NAA16: variants seen among roughly 807,000 people sequenced by gnomAD.
The protein encoded by NAA16 is NARG1-like protein.
NAA16 carries 97 observed loss-of-function variants against 110.3 expected under a neutral mutation model. The ratio of observed to expected loss-of-function variants is 0.88; its 90% confidence interval spans 0.75 to 1.04. The LOEUF (loss-of-function observed/expected upper bound fraction) is 1.04. Ranked by LOEUF, NAA16 falls within the 50% of genes least tolerant of loss-of-function variation. NAA16 has a pLI of 0.00. For missense variants in NAA16, 1,017 were observed against 1,005.1 expected, an observed-to-expected ratio of 1.01 and a Z score of -0.16; for synonymous variants, 372 against 330.6, an observed-to-expected ratio of 1.13 and a Z score of -1.36.
intron 14 of NAA16, 105 bp downstream of exon 14, chr13:41,367,757 T>G: frequency 1.3e-6 from 1 of 746,438 alleles, no homozygotes; most frequent in Non-Finnish European, 2.0e-6. Context: ...CTGTTGGAGT[T>G]GAAGACAAAC....
chr13:41,324,020 A>G (rs1566247951), intron 5 of NAA16, among the ~76,000 whole-genome samples: 2 of 152,022 alleles, frequency 1.3e-5, no homozygotes, highest in Non-Finnish European at 2.9e-5. Flanking sequence ...CTTCCATCCT[A>G]TTTCACTTAC....
At chr13:41,350,632 T>G (rs1436655166) in intron 9 of NAA16, among the ~76,000 whole-genome samples, 13 of 148,348 alleles carry the variant, frequency 8.8e-5, no homozygotes, top group South Asian at 2.1e-4. Flanking sequence ...TTGTTTGTTT[T>G]TTTTAAGATA....
chr13:41,320,620 A>C, intron 3 of NAA16, 47 bp from the exon 4 acceptor site: 2 of 1,471,450 alleles, frequency 1.4e-6, no homozygotes, highest in Non-Finnish European at 1.8e-6. Flanking sequence ...TATGTATCAT[A>C]GAATATTCTA....
Position 41,362,094 on chromosome 13 carries a change from A to G in NAA16, c.1474A>G (p.Ile492Val). Reference protein sequence around the residue: ...MQCMWFQTECISAYQRLGRYG... With the variant: ...MQCMWFQTECVSAYQRLGRYG... ...GTGTATGTGGTTTCAGACAGAATGC[A>G]TTTCAGCTTATCAGCGTCTGGGGAG... Residue 492 changes from isoleucine to valine, a missense_variant, in exon 13 of 20, where the codon ATT becomes GTT. Ile to Val is a conservative substitution (Grantham distance 29). Coordinates refer to ENST00000379406, the MANE Select transcript of NAA16 (RefSeq NM_024561.5). 1 of 1,610,528 alleles carries G rather than the reference A, an allele frequency of 6.2e-7. No homozygotes were observed. Among genetic ancestry groups the G allele is most frequent in the Non-Finnish European group, 8.5e-7 (1 of 1,178,754 alleles).
At chr13:41,362,762 A>G in intron 13 of NAA16, 1 of 1,289,806 alleles carries the variant, frequency 7.8e-7, no homozygotes, top group Non-Finnish European at 1.0e-6. Flanking sequence ...ACAGGAGGAA[A>G]AGAGCCGCAA....
At chr13:41,366,837 T>TA (rs2043216898) in intron 13 of NAA16, among the ~76,000 whole-genome samples, 1 of 152,206 alleles carries the variant, frequency 6.6e-6, no homozygotes, top group Non-Finnish European at 1.5e-5. Context: ...TCTTTATTCT[T>TA]AACTTAGATT....
chr13:41,318,202 G>C (rs1271516725), intron 2 of NAA16, among the ~76,000 whole-genome samples: 2 of 148,202 alleles, frequency 1.3e-5, no homozygotes, highest in Admixed American at 6.6e-5. Context: ...TGTCTGCTTT[G>C]TAATTTTTTT....
intron 1 of NAA16, among the ~76,000 whole-genome samples, chr13:41,314,809 G>T (rs958042644): frequency 6.1e-5 from 9 of 147,612 alleles, no homozygotes; most frequent in African/African-American, 2.2e-4. Context: ...AACATAGTGA[G>T]ACTTCATCTC....
At chr13:41,357,628 A>G (rs549702459) in intron 10 of NAA16, among the ~76,000 whole-genome samples, 63 of 152,298 alleles carry the variant, frequency 4.1e-4, no homozygotes, top group African/African-American at 1.5e-3. Flanking sequence ...TTACACAAGT[A>G]TGTCTTCCCT....
rs1363692048 is a variant in NAA16, at chr13:41,329,284, A to C, written c.811+441A>C. ...TGTTGAGGATATTTGCTTTGATTTC[A>C]AACTAGGCTAATTTGTGTAGAGCAA... On this transcript the variant is annotated intron_variant, in intron 7 of 19. Coordinates refer to ENST00000379406, the MANE Select transcript of NAA16 (RefSeq NM_024561.5). Among the ~76,000 whole-genome samples, 5 of 152,032 alleles carry C rather than the reference A, an allele frequency of 3.3e-5. No individual in the cohort carries two copies. The East Asian group carries it at 9.6e-4, about 29-fold the overall frequency.
At chr13:41,329,831 C>G (rs922222000) in intron 7 of NAA16, among the ~76,000 whole-genome samples, 1 of 151,846 alleles carries the variant, frequency 6.6e-6, no homozygotes, top group Non-Finnish European at 1.5e-5. Context: ...AAAATATTTT[C>G]ATGTTTTACT....
Position 41,372,816 on chromosome 13 carries a change from G to T in NAA16, c.2141G>T (p.Arg714Ile). The change falls in exon 17 of 20, where the codon AGA becomes ATA. Residue 714 changes from arginine to isoleucine, a missense_variant. Transcript: ENST00000379406. Reference sequence around the variant, plus strand: ...CCATGGTTACATGAATGTTTAATTAGATTTTCTAAATCTGGTAAGTATAAA... The same window carrying T: ...CCATGGTTACATGAATGTTTAATTATATTTTCTAAATCTGGTAAGTATAAA... ...NNPWLHECLI[R>I]FSKSVSNHSN... 6.3e-7 allele frequency: 1 copy of T among 1,579,600 alleles called. No individual in the cohort carries two copies. Among genetic ancestry groups the T allele is most frequent in the Non-Finnish European group, 8.6e-7 (1 of 1,158,916 alleles).
chr13:41,319,443 A>G (rs539736806), intron 3 of NAA16, among the ~76,000 whole-genome samples: 33 of 152,320 alleles, frequency 2.2e-4, no homozygotes, highest in African/African-American at 7.9e-4. Context: ...TAACACAGAG[A>G]CATAGCTGTT....
chr13:41,315,617 ATTT>A (rs1370781958), intron 1 of NAA16, among the ~76,000 whole-genome samples: 1 of 152,148 alleles, frequency 6.6e-6, no homozygotes, highest in Non-Finnish European at 1.5e-5. Context: ...GAGATTACAA[ATTT>A]TTTACAGACA....
At position 41,340,855 on chromosome 13, in the gene NAA16, T is replaced by G. The variant is rs1295063992; in HGVS notation, c.1014+4099T>G. 4.0e-5 allele frequency among the ~76,000 whole-genome samples: 6 copies of G among 151,750 alleles called. No homozygotes were observed. In the East Asian group the frequency reaches 9.6e-4, roughly 24 times the overall value. ...CCGTGCCCGGCTAATTTTTTTTGTA[T>G]TTTTTAGTAGAGATGGGGTTTCACC... On this transcript the variant is annotated intron_variant, in intron 9 of 19. Transcript: ENST00000379406.
At chr13:41,350,317 G>A (rs1192841192) in intron 9 of NAA16, among the ~76,000 whole-genome samples, 4 of 150,178 alleles carry the variant, frequency 2.7e-5, no homozygotes, top group Non-Finnish European at 5.9e-5. Flanking sequence ...TTTTTGAGAC[G>A]GAGTCTCGCT....
chr13:41,356,858 G>A (rs911103322), intron 10 of NAA16, among the ~76,000 whole-genome samples: 1 of 152,140 alleles, frequency 6.6e-6, no homozygotes, highest in Non-Finnish European at 1.5e-5. Context: ...GTTATAGTTA[G>A]GTTTACTTGC....
At position 41,368,788 on chromosome 13, in the gene NAA16, A is replaced by G. The variant is rs1250397102; in HGVS notation, c.1754-302A>G. Among the ~76,000 whole-genome samples the G allele has an allele frequency of 2.0e-5, 3 of 152,238 alleles. No individual in the cohort carries two copies. The East Asian group carries it at 5.8e-4, about 29-fold the overall frequency. ...CATTTACATTATTTTAGGCATACCT[A>G]TAGACCATAATATAATTTATGAAAA... On this transcript the variant is annotated intron_variant, in intron 14 of 19. Transcript: ENST00000379406.
intron 1 of NAA16, among the ~76,000 whole-genome samples, chr13:41,312,010 T>C (rs1342044810): frequency 6.6e-6 from 1 of 152,200 alleles, no homozygotes; most frequent in Non-Finnish European, 1.5e-5. Context: ...GCTTTGCGTT[T>C]AGTTAGATTG....
Sources: allele counts gnomAD v4.1 joint callset (sites outside exome capture counted in the v4.1 genomes callset), GRCh38; gene constraint gnomAD v4.1.1; transcripts MANE v1.5; gene names NCBI Gene and HGNC (gene_info 2026-07-23, HGNC 2026-07-21).